Variants in PLPPR1 observed in about 807,000 individuals in gnomAD.
PLPPR1 encodes the protein phospholipid phosphatase related 1.
A neutral mutation model predicts 33.1 loss-of-function variants in PLPPR1; 10 were observed. The observed-to-expected ratio is 0.30, with a 90% CI of 0.19 to 0.51. PLPPR1 has a LOEUF of 0.51. Ranked by LOEUF, PLPPR1 falls within the 20% of genes least tolerant of loss-of-function variation. The pLI, the probability that PLPPR1 is intolerant of heterozygous loss-of-function variation, is 0.97. For synonymous variants in PLPPR1, 151 were observed against 151.0 expected (o/e 1.00, Z 0.00); for missense variants, 304 against 408.1 (o/e 0.74, Z 2.20).
intron 1 of PLPPR1, among the ~76,000 whole-genome samples, chr9:101,048,982 T>C (rs772339537): frequency 1.3e-5 from 2 of 152,202 alleles, no homozygotes; most frequent in Non-Finnish European, 2.9e-5. Flanking sequence ...CAATATCACA[T>C]CAAGGGAAGT....
chr9:101,121,344 C>T (rs1186919536), intron 1 of PLPPR1, among the ~76,000 whole-genome samples: 2 of 152,116 alleles, frequency 1.3e-5, no homozygotes, highest in East Asian at 3.9e-4. Flanking sequence ...TTTCATTCCA[C>T]AGGTAAAGAA....
chr9:101,171,721 A>G (rs1217954612), intron 1 of PLPPR1, among the ~76,000 whole-genome samples: 1 of 152,192 alleles, frequency 6.6e-6, no homozygotes, highest in African/African-American at 2.4e-5. Flanking sequence ...ATGTGTTCCT[A>G]TCCCTTAATG....
rs774399751 is a variant in PLPPR1, at chr9:101,317,326, G to A, written c.814-39G>A. ...TCACAGATGCCAGGCATTGATGGCTGCAGTCTGACCCCATTCTTTTTTCCC... is the reference window on the plus strand; with the variant it reads ...TCACAGATGCCAGGCATTGATGGCTACAGTCTGACCCCATTCTTTTTTCCC... On this transcript the variant is annotated intron_variant, in intron 6 of 7. Transcript: ENST00000374874. 5.0e-6 allele frequency: 8 copies of A among 1,594,520 alleles called. No individual in the cohort carries two copies. In the South Asian group the frequency reaches 9.1e-5, roughly 18 times the overall value.
At chr9:101,268,143 C>T (rs1828032349) in intron 2 of PLPPR1, among the ~76,000 whole-genome samples, 1 of 151,696 alleles carries the variant, frequency 6.6e-6, no homozygotes, top group African/African-American at 2.4e-5. Flanking sequence ...AGGAGATATA[C>T]CTAATGTAAA....
chr9:101,118,267 TG>T (rs1430597990), intron 1 of PLPPR1, among the ~76,000 whole-genome samples: 4 of 152,150 alleles, frequency 2.6e-5, no homozygotes, highest in African/African-American at 9.7e-5. Context: ...TCTGAGTATC[TG>T]GGTTTAGTGG....
At chr9:101,186,248 T>C (rs751968362) in intron 2 of PLPPR1, among the ~76,000 whole-genome samples, 2 of 151,878 alleles carry the variant, frequency 1.3e-5, no homozygotes, top group African/African-American at 4.8e-5. Context: ...GCTTTCTAGG[T>C]TATCTCAAAA....
At chr9:101,192,914 A>G (rs1826322561) in intron 2 of PLPPR1, among the ~76,000 whole-genome samples, 1 of 152,192 alleles carries the variant, frequency 6.6e-6, no homozygotes, top group Admixed American at 6.5e-5. Flanking sequence ...AGTGTTTGCA[A>G]TATCAGAATG....
At chr9:101,092,690 C>G (rs1394282137) in intron 1 of PLPPR1, among the ~76,000 whole-genome samples, 5 of 152,136 alleles carry the variant, frequency 3.3e-5, no homozygotes, top group Admixed American at 6.5e-5. Context: ...CGGCTCAGGG[C>G]TCACCTCTTC....
chr9:101,169,215 C>T (rs1825903889), intron 1 of PLPPR1, among the ~76,000 whole-genome samples: 1 of 152,012 alleles, frequency 6.6e-6, no homozygotes. Context: ...AGTTCTTTCT[C>T]CACTGCTTTA....
chr9:101,114,365 G>A (rs117583993), intron 1 of PLPPR1, among the ~76,000 whole-genome samples: 1,566 of 152,218 alleles, frequency 0.01, 10 homozygotes, highest in Middle Eastern at 0.02. Context: ...TCCCAACAGG[G>A]GACAGATAGC....
intron 1 of PLPPR1, among the ~76,000 whole-genome samples, chr9:101,167,201 A>T (rs868346437): frequency 0.024 from 646 of 26,942 alleles, 9 homozygotes; most frequent in Non-Finnish European, 0.046. Context: ...TCTCTCTCTC[A>T]CACACACACA....
chr9:101,146,512 T>C (rs979727920), intron 1 of PLPPR1, among the ~76,000 whole-genome samples: 1 of 152,204 alleles, frequency 6.6e-6, no homozygotes, highest in African/African-American at 2.4e-5. Context: ...TTCAAAATCA[T>C]GTGTCCCATG....
chr9:101,250,764 T>A (rs1827700543), intron 2 of PLPPR1, among the ~76,000 whole-genome samples: 2 of 152,084 alleles, frequency 1.3e-5, no homozygotes, highest in African/African-American at 4.8e-5. Context: ...ACCATGATTA[T>A]ACCAAATTCC....
chr9:101,111,759 G>A (rs1019103383), intron 1 of PLPPR1, among the ~76,000 whole-genome samples: 5 of 152,178 alleles, frequency 3.3e-5, no homozygotes, highest in Admixed American at 2.0e-4. Context: ...GAGTCTCTCT[G>A]ACCCCACAGC....
intron 2 of PLPPR1, among the ~76,000 whole-genome samples, chr9:101,226,190 C>G (rs1471425681): frequency 1.3e-5 from 2 of 152,106 alleles, no homozygotes; most frequent in Non-Finnish European, 2.9e-5. Context: ...CTGGGAATCC[C>G]TTTGCTTATT....
chr9:101,228,662 T>TG (rs1827121313), intron 2 of PLPPR1, among the ~76,000 whole-genome samples: 1 of 152,014 alleles, frequency 6.6e-6, no homozygotes, highest in Non-Finnish European at 1.5e-5. Context: ...GTGGAACTAT[T>TG]GGGGATGTGA....
intron 1 of PLPPR1, among the ~76,000 whole-genome samples, chr9:101,119,507 C>G (rs144344707): frequency 2.8e-4 from 42 of 152,282 alleles, no homozygotes; most frequent in African/African-American, 1.0e-3. Flanking sequence ...GCAGGATTGA[C>G]AGGAAAATGC....
intron 2 of PLPPR1, among the ~76,000 whole-genome samples, chr9:101,205,857 C>T (rs1414873003): frequency 2.0e-5 from 3 of 152,186 alleles, no homozygotes; most frequent in Admixed American, 1.3e-4. Context: ...CAGGTTCAGA[C>T]AAACATGAGT....
chr9:101,238,411 G>GTATA (rs373210856), intron 2 of PLPPR1, among the ~76,000 whole-genome samples: 1 of 144,832 alleles, frequency 6.9e-6, no homozygotes, highest in Admixed American at 6.9e-5. Flanking sequence ...GTGTGTGTGT[G>GTATA]TATATATATA....
Sources: allele counts gnomAD v4.1 joint callset (sites outside exome capture counted in the v4.1 genomes callset), GRCh38; gene constraint gnomAD v4.1.1; transcripts MANE v1.5; gene names NCBI Gene and HGNC (gene_info 2026-07-23, HGNC 2026-07-21).